The following TENM4 variants were observed in gnomAD, a reference collection of about 807,000 sequenced individuals.
TENM4 encodes the protein teneurin transmembrane protein 4.
In TENM4, 82 loss-of-function variants were observed where a neutral mutation model predicts 243.3. That is an observed-to-expected ratio of 0.34 (90% CI 0.28 to 0.40). TENM4 has a LOEUF of 0.40. Ranked by LOEUF, TENM4 falls within the 10% of genes least tolerant of loss-of-function variation. TENM4 has a pLI of 1.00. For missense variants in TENM4, 3,138 were observed against 3,673.3 expected, an observed-to-expected ratio of 0.85 and a Z score of 3.77; for synonymous variants, 1,412 against 1,456.3, an observed-to-expected ratio of 0.97 and a Z score of 0.69.
At chr11:78,660,782 G>A (rs2135631104) in intron 33 of TENM4, among the ~76,000 whole-genome samples, 1 of 152,246 alleles carries the variant, frequency 6.6e-6, no homozygotes, top group Middle Eastern at 3.4e-3. Context: ...GGGGAGAAGC[G>A]AGCAAATGAA....
intron 28 of TENM4, among the ~76,000 whole-genome samples, chr11:78,688,699 G>C (rs1858744331): frequency 1.3e-5 from 2 of 152,104 alleles, no homozygotes; most frequent in Non-Finnish European, 2.9e-5. Context: ...AGAAATGGGA[G>C]CTATTACCCA....
At chr11:79,437,654 G>A (rs372259358) in intron 1 of TENM4, among the ~76,000 whole-genome samples, 12 of 152,334 alleles carry the variant, frequency 7.9e-5, no homozygotes, top group East Asian at 1.9e-4. Context: ...ACTGGAGGCC[G>A]GCGGGGGAGG....
At chr11:78,924,874 A>G (rs1266532957) in intron 6 of TENM4, 2 of 152,220 alleles carry the variant, frequency 1.3e-5, no homozygotes, top group Non-Finnish European at 2.9e-5. Flanking sequence ...TATGTTACAG[A>G]AGCAGTAAGT....
intron 6 of TENM4, among the ~76,000 whole-genome samples, chr11:78,916,399 G>T (rs1276636989): frequency 6.6e-6 from 1 of 152,118 alleles, no homozygotes; most frequent in East Asian, 1.9e-4. Flanking sequence ...ATGCTATAGG[G>T]TCTCCAAGGG....
At chr11:78,712,081 G>C (rs182806981) in intron 26 of TENM4, among the ~76,000 whole-genome samples, 62 of 152,290 alleles carry the variant, frequency 4.1e-4, no homozygotes, top group Middle Eastern at 3.4e-3. Context: ...AATAACATGA[G>C]AGACAGCATA....
intron 16 of TENM4, among the ~76,000 whole-genome samples, chr11:78,784,699 T>C (rs1326191374): frequency 1.3e-5 from 2 of 152,214 alleles, no homozygotes; most frequent in African/African-American, 4.8e-5. Flanking sequence ...AAAAGGTATC[T>C]GCATCCCCAA....
chr11:79,409,039 G>A (rs1304666772), intron 1 of TENM4, among the ~76,000 whole-genome samples: 1 of 151,354 alleles, frequency 6.6e-6, no homozygotes, highest in East Asian at 1.9e-4. Flanking sequence ...GAATTATAAA[G>A]TGTTGTCTAT....
chr11:78,710,406 G>A (rs983206609), intron 26 of TENM4, among the ~76,000 whole-genome samples: 20 of 152,242 alleles, frequency 1.3e-4, no homozygotes, highest in Admixed American at 9.2e-4. Flanking sequence ...CTGAGAACCT[G>A]CTGGAGCACC....
intron 6 of TENM4, among the ~76,000 whole-genome samples, chr11:78,937,203 G>A (rs1856804487): frequency 6.6e-6 from 1 of 152,144 alleles, no homozygotes; most frequent in Non-Finnish European, 1.5e-5. Context: ...GGGTCTGGTA[G>A]ATACCCACTC....
chr11:79,235,657 C>T (rs1304691339), intron 2 of TENM4, among the ~76,000 whole-genome samples: 10 of 152,256 alleles, frequency 6.6e-5, no homozygotes, highest in African/African-American at 2.2e-4. Flanking sequence ...GTGTCAGCCT[C>T]CACATAGCTA....
intron 18 of TENM4, among the ~76,000 whole-genome samples, chr11:78,760,327 C>T (rs1234948130): frequency 6.6e-6 from 1 of 152,232 alleles, no homozygotes; most frequent in Admixed American, 6.5e-5. Flanking sequence ...GCCCTCTCTC[C>T]AGGCAAACTA....
At chr11:78,675,327 T>G (rs1369109333) in intron 30 of TENM4, among the ~76,000 whole-genome samples, 2 of 152,238 alleles carry the variant, frequency 1.3e-5, no homozygotes, top group Non-Finnish European at 2.9e-5. Context: ...GCTATGAGGA[T>G]GCTTCTGGAA....
At chr11:78,948,968 G>T (rs886249987) in intron 6 of TENM4, among the ~76,000 whole-genome samples, 1 of 152,186 alleles carries the variant, frequency 6.6e-6, no homozygotes, top group Non-Finnish European at 1.5e-5. Flanking sequence ...GTCATATTAG[G>T]ATGGCTCACT....
intron 10 of TENM4, among the ~76,000 whole-genome samples, chr11:78,856,404 T>C (rs554208006): frequency 5.8e-4 from 89 of 152,220 alleles, no homozygotes; most frequent in Non-Finnish European, 1.1e-3. Flanking sequence ...GCTAAAAATA[T>C]GCATTCTTCC....
At chr11:79,437,342 G>C (rs1859292110) in intron 1 of TENM4, among the ~76,000 whole-genome samples, 1 of 152,196 alleles carries the variant, frequency 6.6e-6, no homozygotes, top group Admixed American at 6.5e-5. Flanking sequence ...GGGCTCCCCC[G>C]CTGAAAGCCC....
At chr11:79,265,065 C>T (rs77100048) in intron 2 of TENM4, among the ~76,000 whole-genome samples, 3 of 152,132 alleles carry the variant, frequency 2.0e-5, no homozygotes, top group Non-Finnish European at 4.4e-5. Context: ...TTTTGAGATA[C>T]AGTACAGGAA....
intron 1 of TENM4, among the ~76,000 whole-genome samples, chr11:79,368,048 T>G (rs772548375): frequency 6.6e-6 from 1 of 152,146 alleles, no homozygotes; most frequent in African/African-American, 2.4e-5. Context: ...AGTCCTACCA[T>G]GTGAGTTCGC....
chr11:78,673,296 C>T (rs1858382245), intron 30 of TENM4, among the ~76,000 whole-genome samples: 2 of 152,140 alleles, frequency 1.3e-5, no homozygotes, highest in Non-Finnish European at 2.9e-5. Flanking sequence ...TGAAATATTG[C>T]CAGGTATTCT....
At chr11:79,170,646 C>T (rs186472646) in intron 3 of TENM4, among the ~76,000 whole-genome samples, 163 of 152,202 alleles carry the variant, frequency 1.1e-3, no homozygotes, top group Non-Finnish European at 2.1e-3. Context: ...GAAGGAATGC[C>T]CAAGGTTGCC....
Sources: allele counts gnomAD v4.1 joint callset (sites outside exome capture counted in the v4.1 genomes callset), GRCh38; gene constraint gnomAD v4.1.1; transcripts MANE v1.5; gene names NCBI Gene and HGNC (gene_info 2026-07-23, HGNC 2026-07-21).